LYSMD3: variants seen among roughly 807,000 people sequenced by gnomAD.
The protein encoded by LYSMD3 is lysM and putative peptidoglycan-binding domain-containing protein 3.
Under a neutral mutation model 26.1 loss-of-function variants are expected in LYSMD3, and 13 were observed. The observed-to-expected ratio is 0.50, with a 90% CI of 0.32 to 0.79. The LOEUF (loss-of-function observed/expected upper bound fraction) is 0.79. Ranked by LOEUF, LYSMD3 falls within the 30% of genes least tolerant of loss-of-function variation. The pLI is 0.03. For missense variants in LYSMD3, 331 were observed against 362.5 expected (o/e 0.91, Z 0.71); for synonymous variants, 109 against 119.4 (o/e 0.91, Z 0.57).
At chr5:90,520,545 A>C (rs1262539498) in intron 2 of LYSMD3, 1 of 455,746 alleles carries the variant, frequency 2.2e-6, no homozygotes, top group East Asian at 6.9e-5. Context: ...GAAGATGTTC[A>C]GGACAGAGTT....
At chr5:90,522,816 T>C (rs187723409) in intron 2 of LYSMD3, among the ~76,000 whole-genome samples, 14 of 152,348 alleles carry the variant, frequency 9.2e-5, no homozygotes, top group Admixed American at 4.6e-4. Flanking sequence ...GAAAATTCCC[T>C]TTGTTGTTTA....
intron 2 of LYSMD3, 133 bp from the exon 3 acceptor site, chr5:90,519,617 AAATTTT>A (rs1296314766): frequency 2.3e-6 from 2 of 851,606 alleles, no homozygotes; most frequent in African/African-American, 1.7e-5. Flanking sequence ...GCACCCAGAG[AAATTTT>A]AATTTTATTT....
chr5:90,519,500 A>AG lies in LYSMD3; in HGVS notation c.256-17_256-16insC, dbSNP rs1384777742. On this transcript the variant is annotated splice_polypyrimidine_tract_variant and intron_variant, in intron 2 of 2. Transcript: ENST00000315948. ...TATCTGCTACCTGTGGGGGGGAAAA[A>AG]AAAGCAACATACAACTGAATTCCAA... The AG allele has an allele frequency of 6.3e-7, 1 of 1,585,508 alleles. No homozygotes were observed. Among genetic ancestry groups the AG allele is most frequent in the Admixed American group, 1.8e-5 (1 of 56,448 alleles).
At chr5:90,523,579 T>C in intron 2 of LYSMD3, among the ~76,000 whole-genome samples, 1 of 152,206 alleles carries the variant, frequency 6.6e-6, no homozygotes, top group East Asian at 1.9e-4. Flanking sequence ...TAAAATCTCA[T>C]GCTATTGAAA....
At chr5:90,522,751 G>A (rs1753124193) in intron 2 of LYSMD3, among the ~76,000 whole-genome samples, 1 of 150,758 alleles carries the variant, frequency 6.6e-6, no homozygotes, top group African/African-American at 2.5e-5. Context: ...TTTCCATAGT[G>A]TCTCAAAGCA....
In LYSMD3 at chr5:90,519,475, T is replaced by C. The variant is rs1243361952; in HGVS notation, c.265A>G (p.Ile89Val). The C allele has an allele frequency of 6.3e-7, 1 of 1,595,174 alleles. No individual in the cohort carries two copies. Among genetic ancestry groups the C allele is most frequent in the Admixed American group, 1.7e-5 (1 of 58,360 alleles). Reference sequence around the variant, plus strand: ...CTGATGAGATTGTTAACTCTCTTGATATCTGCTACCTGTGGGGGGGAAAAA... The same window carrying C: ...CTGATGAGATTGTTAACTCTCTTGACATCTGCTACCTGTGGGGGGGAAAAA... ...ALQYCCTVADIKRVNNLISDQ... is the reference protein window; with the variant it reads ...ALQYCCTVADVKRVNNLISDQ... The change falls in exon 3 of 3, where the codon ATC becomes GTC. Residue 89 changes from isoleucine (I) to valine (V), a missense_variant. Physicochemically the swap from Ile to Val is conservative, Grantham distance 29. Coordinates refer to ENST00000315948, the MANE Select transcript of LYSMD3 (RefSeq NM_198273.2).
chr5:90,519,487 G>C lies in LYSMD3; in HGVS notation c.256-3C>G. ...TTAACTCTCTTGATATCTGCTACCT[G>C]TGGGGGGGAAAAAAAAGCAACATAC... On this transcript the variant is annotated splice_polypyrimidine_tract_variant and splice_region_variant and intron_variant, in intron 2 of 2. Coordinates refer to ENST00000315948, the MANE Select transcript of LYSMD3 (RefSeq NM_198273.2). The C allele has an allele frequency of 6.5e-7, 1 of 1,549,152 alleles. No individual in the cohort carries two copies. The highest frequency in any genetic ancestry group is 8.7e-7 in the Non-Finnish European group (1 of 1,151,890).
At chr5:90,519,623 T>A (rs1373156284) in intron 2 of LYSMD3, 139 bp from the exon 3 acceptor site, 1 of 814,234 alleles carries the variant, frequency 1.2e-6, no homozygotes, top group African/African-American at 1.7e-5. Context: ...AGAGAAATTT[T>A]AATTTTATTT....
intron 1 of LYSMD3, 165 bp downstream of exon 1, chr5:90,529,283 G>C: frequency 5.0e-6 from 2 of 397,560 alleles, no homozygotes; most frequent in Non-Finnish European, 1.0e-5. Flanking sequence ...GGCTGGTCTG[G>C]AAGTTCTTCC....
chr5:90,524,839 G>A (rs941733114), intron 2 of LYSMD3, among the ~76,000 whole-genome samples, 196 bp downstream of exon 2: 2 of 152,070 alleles, frequency 1.3e-5, no homozygotes, highest in South Asian at 2.1e-4. Context: ...TGATCCACCC[G>A]CCTCGGCCTC....
At chr5:90,523,839 G>A (rs1753151261) in intron 2 of LYSMD3, among the ~76,000 whole-genome samples, 2 of 152,114 alleles carry the variant, frequency 1.3e-5, no homozygotes, top group Non-Finnish European at 2.9e-5. Flanking sequence ...ATTCTATTGG[G>A]AGTATGAGAA....
chr5:90,519,752 A>C (rs1411932968), intron 2 of LYSMD3, among the ~76,000 whole-genome samples: 1 of 152,078 alleles, frequency 6.6e-6, no homozygotes, highest in Non-Finnish European at 1.5e-5. Flanking sequence ...AGATTCTAGA[A>C]TCCTTTGCTG....
Position 90,517,719 on chromosome 5 carries a change from CT to C in LYSMD3, c.*1099del. ...GTTAAGGGATTACTAAATAATTTGT[CT>C]GTTACTGCTAATATAAAATACCTCT... On this transcript the variant is annotated 3_prime_UTR_variant, in exon 3 of 3. Transcript: ENST00000315948. 1 of 152,376 alleles carries C rather than the reference CT, an allele frequency of 6.6e-6. No homozygotes were observed. The highest frequency in any genetic ancestry group is 1.5e-5 in the Non-Finnish European group (1 of 67,908). The allele number at this position is 152,376 out of a possible 1,614,324, so 9.4% of individuals were successfully genotyped here. A position where few individuals can be genotyped will look rare whatever the true frequency, so the allele number is the denominator to read the frequency against.
At position 90,525,252 on chromosome 5, in the gene LYSMD3, G is replaced by A. The variant is rs1053065454; in HGVS notation, c.38C>T (p.Pro13Leu). The A allele has an allele frequency of 1.2e-6, 2 of 1,612,206 alleles. No homozygotes were observed. Among genetic ancestry groups the A allele is most frequent in the Non-Finnish European group, 1.7e-6 (2 of 1,179,468 alleles). ...GRHQNRSFPL[P>L]GVQSSGQVHA... ...TACTTGACCACTTGACTGAACTCCT[G>A]GAAGAGGAAAACTACGATTCTGATG... The change falls in exon 2 of 3, where the codon CCA (proline) becomes CTA (leucine). Residue 13 changes from proline (P) to leucine (L), a missense_variant. By Grantham distance (98) the Pro-to-Leu change is moderately conservative. Around this residue, in one of 3 missense-constraint regions of LYSMD3, gnomAD observed 262 missense variants for 267.3 expected, o/e 0.98. Coordinates refer to ENST00000315948, the MANE Select transcript of LYSMD3 (RefSeq NM_198273.2).
rs1011672256 is a variant in LYSMD3, at chr5:90,515,831, A to T, written c.*2988T>A. The T allele has an allele frequency of 6.6e-6, 1 of 152,236 alleles. No homozygotes were observed. The highest frequency in any genetic ancestry group is 1.5e-5 in the Non-Finnish European group (1 of 68,014). The allele number at this position is 152,236 out of a possible 1,614,324, so 9.4% of individuals were successfully genotyped here. A position where few individuals can be genotyped will look rare whatever the true frequency, so the allele number is the denominator to read the frequency against. ...AAGCATTCAGATATTTCTATGATCT[A>T]ACAGTGCAATATGCACATACGTGGA... On this transcript the variant is annotated 3_prime_UTR_variant, in exon 3 of 3. Transcript: ENST00000315948.
At position 90,525,085 on chromosome 5, in the gene LYSMD3, T is replaced by C. The variant is rs1221230632; in HGVS notation, c.205A>G (p.Ile69Val). Residue 69 changes from isoleucine (I) to valine (V), a missense_variant, in exon 2 of 3, where the codon ATA becomes GTA. Ile to Val is a conservative substitution (Grantham distance 29). Around this residue, in one of 3 missense-constraint regions of LYSMD3, gnomAD observed 262 missense variants for 267.3 expected, o/e 0.98. Coordinates refer to ENST00000315948, the MANE Select transcript of LYSMD3 (RefSeq NM_198273.2). Reference sequence around the variant, plus strand: ...GCATTTAATGTATCTCCTTCTTGTATATCTTTTGTTAATACTATAATGTCG... The same window carrying C: ...GCATTTAATGTATCTCCTTCTTGTACATCTTTTGTTAATACTATAATGTCG... ...LDDIIVLTKD[I>V]QEGDTLNAIA... The C allele has an allele frequency of 1.2e-6, 2 of 1,613,222 alleles. No individual in the cohort carries two copies. The highest frequency in any genetic ancestry group is 2.2e-5 in the South Asian group (2 of 90,990).
In LYSMD3 at chr5:90,519,325, A is replaced by C. The variant is rs1196561189; in HGVS notation, c.415T>G (p.Ser139Ala). The C allele has an allele frequency of 1.1e-5, 17 of 1,614,102 alleles. No individual in the cohort carries two copies. In the East Asian group the frequency reaches 3.6e-4, roughly 34 times the overall value. ...TSRHSSVQYS[S>A]EQQEILPAND... Reference sequence around the variant, plus strand: ...GCTGGCAAAATTTCCTGTTGTTCGGAAGAGTATTGAACAGATGAATGACGT... The same window carrying C: ...GCTGGCAAAATTTCCTGTTGTTCGGCAGAGTATTGAACAGATGAATGACGT... Residue 139 changes from serine (S) to alanine (A), a missense_variant, in exon 3 of 3, where the codon TCC becomes GCC. By Grantham distance (99) the Ser-to-Ala change is moderately conservative. Transcript: ENST00000315948.
chr5:90,527,032 G>A lies in LYSMD3; in HGVS notation c.-11-1732C>T, dbSNP rs184651010. 3 of 152,320 alleles carry A rather than the reference G, an allele frequency of 2.0e-5. 1 individual carries two copies. Among genetic ancestry groups the A allele is most frequent in the Admixed American group, 2.0e-4 (3 of 15,292 alleles). The allele number at this position is 152,320 out of a possible 1,614,324, so 9.4% of individuals were successfully genotyped here. A position where few individuals can be genotyped will look rare whatever the true frequency, so the allele number is the denominator to read the frequency against. Reference sequence around the variant, plus strand: ...AAATATGGATAAGGAGTGTCCAGAAGAGGGAGAAACCATGGAAGTGTTATG... The same window carrying A: ...AAATATGGATAAGGAGTGTCCAGAAAAGGGAGAAACCATGGAAGTGTTATG... On this transcript the variant is annotated intron_variant, in intron 1 of 2. Transcript: ENST00000315948.
chr5:90,521,888 T>C lies in LYSMD3; in HGVS notation c.256-2404A>G, dbSNP rs190784679. ...ATTATTTCTAAGTGGAATATACCAC[T>C]AGCTACTTACTGTATTTTTTAAATG... On this transcript the variant is annotated intron_variant, in intron 2 of 2. Transcript: ENST00000315948. 1.1e-3 allele frequency among the ~76,000 whole-genome samples: 165 copies of C among 152,290 alleles called. 1 individual carries two copies. Among genetic ancestry groups the C allele is most frequent in the African/African-American group, 3.9e-3 (162 of 41,556 alleles).
Sources: allele counts gnomAD v4.1 joint callset (sites outside exome capture counted in the v4.1 genomes callset), GRCh38; gene constraint gnomAD v4.1.1; regional missense constraint gnomAD v4.1.1; transcripts MANE v1.5; gene names NCBI Gene and HGNC (gene_info 2026-07-23, HGNC 2026-07-21).